PLXDC2: variants seen among roughly 807,000 people sequenced by gnomAD.
PLXDC2 encodes the protein plexin domain-containing protein 2.
PLXDC2 carries 40 observed loss-of-function variants against 68.9 expected under a neutral mutation model. The ratio of observed to expected loss-of-function variants is 0.58; its 90% confidence interval spans 0.45 to 0.76. The LOEUF is 0.76. PLXDC2 is among the 30% of genes least tolerant of loss of function. The pLI is 0.00. For missense variants in PLXDC2, 644 were observed against 661.9 expected (o/e 0.97, Z 0.30); for synonymous variants, 243 against 234.2 (o/e 1.04, Z -0.34).
intron 4 of PLXDC2, among the ~76,000 whole-genome samples, chr10:20,097,244 C>T (rs768033427): frequency 4.6e-5 from 7 of 152,052 alleles, no homozygotes; most frequent in Non-Finnish European, 7.4e-5. Context: ...AGTGTGCTTA[C>T]GGTAATTACT....
intron 1 of PLXDC2, among the ~76,000 whole-genome samples, chr10:19,830,113 T>C (rs117752010): frequency 0.042 from 6,348 of 152,204 alleles, 150 homozygotes; most frequent in Middle Eastern, 0.085. Flanking sequence ...ATGAGTGAAA[T>C]AGAAATTAGA....
chr10:20,118,148 A>G (rs1172882208), intron 4 of PLXDC2, among the ~76,000 whole-genome samples: 1 of 151,606 alleles, frequency 6.6e-6, no homozygotes, highest in Non-Finnish European at 1.5e-5. Context: ...AGACACACAC[A>G]CACCCTTTTA....
chr10:19,926,896 A>G (rs932366042), intron 1 of PLXDC2, among the ~76,000 whole-genome samples: 1 of 152,194 alleles, frequency 6.6e-6, no homozygotes, highest in Non-Finnish European at 1.5e-5. Context: ...TTAGAAGTTC[A>G]CAGGTAGCTC....
chr10:20,254,969 A>G (rs1835723651), intron 13 of PLXDC2, among the ~76,000 whole-genome samples: 1 of 152,332 alleles, frequency 6.6e-6, no homozygotes, highest in East Asian at 1.9e-4. Flanking sequence ...CTTCTAAGTA[A>G]CACATTTTCA....
In PLXDC2 at chr10:19,900,488, A is replaced by C. The variant is rs553013105; in HGVS notation, c.112+83297A>C. Among the ~76,000 whole-genome samples the C allele has an allele frequency of 5.1e-3, 776 of 152,144 alleles. 3 individuals are homozygous for C. The highest frequency in any genetic ancestry group is 0.017 in the African/African-American group (724 of 41,506). On this transcript the variant is annotated intron_variant, in intron 1 of 13. Transcript: ENST00000377252. ...AACTTTAGGTGAGGAAAAAAAGCAAACACTGTGCAGTATTTCTTCAGGATG... is the reference window on the plus strand; with the variant it reads ...AACTTTAGGTGAGGAAAAAAAGCAACCACTGTGCAGTATTTCTTCAGGATG...
chr10:19,885,362 A>T (rs1158947064), intron 1 of PLXDC2, among the ~76,000 whole-genome samples: 1 of 151,188 alleles, frequency 6.6e-6, no homozygotes, highest in African/African-American at 2.4e-5. Flanking sequence ...GTTTAATTAG[A>T]TCCCATTTGT....
intron 9 of PLXDC2, among the ~76,000 whole-genome samples, chr10:20,206,272 A>C (rs980092070): frequency 6.6e-6 from 1 of 152,244 alleles, no homozygotes; most frequent in Non-Finnish European, 1.5e-5. Context: ...CCAAAGCCTC[A>C]CTTTTAATCA....
At chr10:19,963,836 T>TAAA (rs61485230) in intron 1 of PLXDC2, among the ~76,000 whole-genome samples, 8 of 145,656 alleles carry the variant, frequency 5.5e-5, no homozygotes, top group Non-Finnish European at 9.1e-5. Context: ...TGAAGTATAA[T>TAAA]AAAAAAAAAA....
At chr10:20,268,913 C>A (rs147614449) in intron 13 of PLXDC2, among the ~76,000 whole-genome samples, 10 of 152,146 alleles carry the variant, frequency 6.6e-5, no homozygotes, top group Non-Finnish European at 1.2e-4. Context: ...CAAATTATTA[C>A]ATGATTTGGG....
At chr10:20,037,795 C>A (rs890387623) in intron 2 of PLXDC2, among the ~76,000 whole-genome samples, 8 of 152,132 alleles carry the variant, frequency 5.3e-5, no homozygotes, top group African/African-American at 1.9e-4. Flanking sequence ...AGGACAATCT[C>A]ATCTATGAGA....
intron 4 of PLXDC2, among the ~76,000 whole-genome samples, chr10:20,070,252 A>G (rs911448570): frequency 1.3e-5 from 2 of 152,226 alleles, no homozygotes; most frequent in Non-Finnish European, 2.9e-5. Context: ...TGTGTGTATA[A>G]TACATTAAAG....
chr10:20,082,728 A>G (rs891271354), intron 4 of PLXDC2, among the ~76,000 whole-genome samples: 1 of 152,216 alleles, frequency 6.6e-6, no homozygotes, highest in African/African-American at 2.4e-5. Context: ...TTGTTTGTGA[A>G]CAATGTGTAT....
chr10:20,100,261 G>A (rs1258990449), intron 4 of PLXDC2, among the ~76,000 whole-genome samples: 1 of 152,164 alleles, frequency 6.6e-6, no homozygotes, highest in Admixed American at 6.5e-5. Flanking sequence ...AGCAAGAATT[G>A]AGTCCTGTTC....
At chr10:19,927,886 G>A (rs1833565091) in intron 1 of PLXDC2, among the ~76,000 whole-genome samples, 1 of 152,074 alleles carries the variant, frequency 6.6e-6, no homozygotes, top group Non-Finnish European at 1.5e-5. Flanking sequence ...GTGGTAAAGT[G>A]CACCTGTCAA....
At chr10:20,014,053 GC>G (rs1318868913) in intron 2 of PLXDC2, among the ~76,000 whole-genome samples, 1 of 152,060 alleles carries the variant, frequency 6.6e-6, no homozygotes. Context: ...TCTCCTAAAG[GC>G]AAACACACTT....
At chr10:20,060,194 TTC>T (rs1479229824) in intron 3 of PLXDC2, among the ~76,000 whole-genome samples, 5 of 151,938 alleles carry the variant, frequency 3.3e-5, no homozygotes, top group Non-Finnish European at 7.4e-5. Context: ...GCCTGGCTAA[TTC>T]TTTTTTATTT....
intron 6 of PLXDC2, among the ~76,000 whole-genome samples, chr10:20,158,480 C>T (rs1020342190): frequency 2.3e-5 from 3 of 128,912 alleles, no homozygotes; most frequent in African/African-American, 8.6e-5. Context: ...GCCTGGGTAA[C>T]ATAATGAGAC....
At chr10:20,125,185 C>T (rs1833755916) in intron 4 of PLXDC2, among the ~76,000 whole-genome samples, 1 of 152,060 alleles carries the variant, frequency 6.6e-6, no homozygotes, top group Non-Finnish European at 1.5e-5. Context: ...TATCCACTGG[C>T]ACTTGAGAAG....
chr10:20,198,284 T>C (rs546251206), intron 9 of PLXDC2, among the ~76,000 whole-genome samples: 1 of 152,296 alleles, frequency 6.6e-6, no homozygotes, highest in East Asian at 1.9e-4. Flanking sequence ...GTGAAAATGT[T>C]GTGTTTATTA....
Sources: gnomAD v4.1 joint callset for allele counts (sites outside exome capture counted in the v4.1 genomes callset) on GRCh38, gnomAD v4.1.1 for gene constraint, MANE v1.5 for transcripts, NCBI Gene and HGNC (gene_info 2026-07-23, HGNC 2026-07-21) for gene names.